PAK2: variants seen among roughly 807,000 people sequenced by gnomAD.
The protein encoded by PAK2 is p21 (RAC1) activated kinase 2.
A neutral mutation model predicts 65.9 loss-of-function variants in PAK2; 21 were observed. That is an observed-to-expected ratio of 0.32 (90% confidence interval 0.23 to 0.46). PAK2 has a LOEUF of 0.46. Among genes scored for constraint, PAK2 ranks in the 20% least tolerant of loss-of-function variants. The pLI is 1.00. For missense variants in PAK2, 324 were observed against 642.6 expected, an observed-to-expected ratio of 0.50 and a Z score of 5.36; for synonymous variants, 204 against 219.7, an observed-to-expected ratio of 0.93 and a Z score of 0.63.
At chr3:196,795,844 C>G (rs1715241893) in intron 2 of PAK2, among the ~76,000 whole-genome samples, 1 of 152,206 alleles carries the variant, frequency 6.6e-6, no homozygotes. Flanking sequence ...GAATGAAAAG[C>G]ACTGGATGTG....
chr3:196,830,262 A>C lies in PAK2; in HGVS notation c.*1857A>C, dbSNP rs1193025910. 6.6e-6 allele frequency: 1 copy of C among 152,152 alleles called. No homozygotes were observed. Among genetic ancestry groups the C allele is most frequent in the Non-Finnish European group, 1.5e-5 (1 of 68,034 alleles). 9.4% of individuals were successfully genotyped at this position (152,152 alleles called of 1,614,324 possible). ...ATAATTAATGAAACATATTTAGAGC[A>C]CTTAATGGTCTCTGTTTTCAATATA... On this transcript the variant is annotated 3_prime_UTR_variant, in exon 15 of 15. Transcript: ENST00000327134.
chr3:196,767,746 G>T (rs192631812), intron 1 of PAK2, among the ~76,000 whole-genome samples: 1 of 152,036 alleles, frequency 6.6e-6, no homozygotes, highest in Non-Finnish European at 1.5e-5. Flanking sequence ...CGCCCGCTTC[G>T]GCCTCCCAGA....
chr3:196,802,331 A>G (rs867578104), intron 3 of PAK2, among the ~76,000 whole-genome samples: 8 of 151,866 alleles, frequency 5.3e-5, no homozygotes, highest in Non-Finnish European at 8.8e-5. Flanking sequence ...AACCTCGGAG[A>G]TGGAGGTTGC....
chr3:196,768,151 G>T (rs563980217), intron 1 of PAK2, among the ~76,000 whole-genome samples: 1 of 152,056 alleles, frequency 6.6e-6, no homozygotes, highest in Non-Finnish European at 1.5e-5. Flanking sequence ...AAATCAACAC[G>T]TGGTGGGACA....
intron 2 of PAK2, among the ~76,000 whole-genome samples, 184 bp from the exon 3 acceptor site, chr3:196,801,743 G>A (rs987960426): frequency 2.4e-4 from 36 of 152,050 alleles, no homozygotes; most frequent in African/African-American, 8.5e-4. Context: ...TGAGGCAGGA[G>A]GATGGCTTGA....
At chr3:196,767,827 AC>A (rs61320091) in intron 1 of PAK2, among the ~76,000 whole-genome samples, 7,253 of 152,138 alleles carry the variant, frequency 0.048, 295 homozygotes, top group African/African-American at 0.096. Flanking sequence ...ATACTTGATC[AC>A]AACTATACTA....
At chr3:196,763,305 G>A (rs1243212404) in intron 1 of PAK2, among the ~76,000 whole-genome samples, 2 of 152,146 alleles carry the variant, frequency 1.3e-5, no homozygotes, top group African/African-American at 4.8e-5. Context: ...TAGACTCAGT[G>A]CTGCTGGCCA....
At chr3:196,816,948 T>A (rs867606989) in intron 11 of PAK2, among the ~76,000 whole-genome samples, 3 of 152,092 alleles carry the variant, frequency 2.0e-5, no homozygotes, top group Admixed American at 6.6e-5. Context: ...CTGAAGAACA[T>A]CTTCTTTCTG....
At chr3:196,810,360 T>A (rs553670108) in intron 7 of PAK2, among the ~76,000 whole-genome samples, 1 of 152,236 alleles carries the variant, frequency 6.6e-6, no homozygotes, top group East Asian at 1.9e-4. Flanking sequence ...TCTTCTTGTT[T>A]CTGTTACTTT....
intron 2 of PAK2, among the ~76,000 whole-genome samples, chr3:196,796,752 G>A (rs1027332995): frequency 6.6e-6 from 1 of 152,170 alleles, no homozygotes; most frequent in African/African-American, 2.4e-5. Flanking sequence ...ACAAAAAGGT[G>A]TGTTAACAAT....
Position 196,812,789 on chromosome 3 carries a change from C to T in PAK2, c.873C>T (p.Ile291=). Residue 291 remains isoleucine (I), a synonymous_variant, in exon 10 of 15, where the codon ATC becomes ATT. Transcript: ENST00000327134. ...NLQKQPKKEL[I]INEILVMKEL... is the part of the protein sequence containing the mutation. Reference sequence around the variant, plus strand: ...AGAAACAGCCAAAGAAGGAACTGATCATTAACGAGATTCTGGTGATGAAAG... The same window carrying T: ...AGAAACAGCCAAAGAAGGAACTGATTATTAACGAGATTCTGGTGATGAAAG... The T allele has an allele frequency of 1.3e-6, 2 of 1,582,620 alleles. 1 individual carries two copies. Among genetic ancestry groups the T allele is most frequent in the South Asian group, 2.2e-5 (2 of 90,302 alleles).
intron 1 of PAK2, among the ~76,000 whole-genome samples, chr3:196,771,105 GGTCTTTTAAAAAAAACAATT>G (rs2108729969): frequency 6.6e-6 from 1 of 151,510 alleles, no homozygotes; most frequent in East Asian, 1.9e-4. Flanking sequence ...TAGTGATTCT[GGTCTTTTAAAAAAAACAATT>G]GTCTCAATGT....
chr3:196,791,491 T>TG lies in PAK2; in HGVS notation c.187+8659dup, dbSNP rs1227006359. ...CTCTAAACTCTTAACGTTTCCAAGT[T>TG]GAAGAATATGACTAGGCCTTAGACA... On this transcript the variant is annotated intron_variant, in intron 2 of 14. Transcript: ENST00000327134. The surrounding 1 kb of genome is among the most constrained non-coding windows in gnomAD (Gnocchi z 4.0). Among the ~76,000 whole-genome samples the TG allele has an allele frequency of 6.6e-6, 1 of 152,210 alleles. No homozygotes were observed. The highest frequency in any genetic ancestry group is 2.4e-5 in the African/African-American group (1 of 41,464).
Position 196,831,858 on chromosome 3 carries a change from G to T in PAK2, c.*3453G>T, listed in dbSNP as rs1302215102. The T allele has an allele frequency of 6.6e-6, 1 of 152,062 alleles. No homozygotes were observed. Among genetic ancestry groups the T allele is most frequent in the Non-Finnish European group, 1.5e-5 (1 of 68,022 alleles). 9.4% of individuals were successfully genotyped at this position (152,062 alleles called of 1,614,324 possible). ...CTAAAATCCAGATTAATACTCATTTGGGGTTTTTTATAGTGGAACTTCATA... is the reference window on the plus strand; with the variant it reads ...CTAAAATCCAGATTAATACTCATTTTGGGTTTTTTATAGTGGAACTTCATA... On this transcript the variant is annotated 3_prime_UTR_variant, in exon 15 of 15. Coordinates refer to ENST00000327134, the MANE Select transcript of PAK2 (RefSeq NM_002577.4).
intron 2 of PAK2, 48 bp downstream of exon 2, chr3:196,782,881 G>T (rs779237834): frequency 7.9e-7 from 1 of 1,266,998 alleles, no homozygotes. Context: ...GTTTATTATT[G>T]TATGTTACCC....
At chr3:196,760,119 A>G (rs998367898) in intron 1 of PAK2, among the ~76,000 whole-genome samples, 3 of 152,072 alleles carry the variant, frequency 2.0e-5, no homozygotes, top group African/African-American at 7.2e-5. Context: ...ATGGTATTCC[A>G]TTGTATGGGT....
rs1185220514 is a variant in PAK2, at chr3:196,761,876, C to T, written c.-21-20750C>T. Among the ~76,000 whole-genome samples, 4 of 149,644 alleles carry T rather than the reference C, an allele frequency of 2.7e-5. No individual in the cohort carries two copies. In the East Asian group the frequency reaches 7.9e-4, roughly 30 times the overall value. On this transcript the variant is annotated intron_variant, in intron 1 of 14. Coordinates refer to ENST00000327134, the MANE Select transcript of PAK2 (RefSeq NM_002577.4). ...CCTCCCGGACGGGGTGGCTGCCGGA[C>T]GGAGACGCTCCTCACTTCCCAGATG...
intron 2 of PAK2, among the ~76,000 whole-genome samples, chr3:196,795,737 G>A (rs1471388935): frequency 6.6e-6 from 1 of 152,148 alleles, no homozygotes; most frequent in Non-Finnish European, 1.5e-5. Context: ...AAAGCTGAAC[G>A]AGTGTATCGT....
chr3:196,762,864 AT>A (rs1189495247), intron 1 of PAK2, among the ~76,000 whole-genome samples: 6 of 152,174 alleles, frequency 3.9e-5, no homozygotes, highest in Admixed American at 3.9e-4. Flanking sequence ...CAAGTACCAT[AT>A]GGATGGATGG....
Sources: allele counts gnomAD v4.1 joint callset (sites outside exome capture counted in the v4.1 genomes callset), GRCh38; gene constraint gnomAD v4.1.1; non-coding constraint Gnocchi (gnomAD v3.1); transcripts MANE v1.5; gene names NCBI Gene and HGNC (gene_info 2026-07-23, HGNC 2026-07-21).